TMEM131: variants seen among roughly 807,000 people sequenced by gnomAD.
The protein encoded by TMEM131 is transmembrane protein 131, also known as 2610524E03Rik.
A neutral mutation model predicts 211.6 loss-of-function variants in TMEM131; 66 were observed. That is an observed-to-expected ratio of 0.31 (90% CI 0.26 to 0.38). The LOEUF is 0.38. Ranked by LOEUF, TMEM131 falls within the 10% of genes least tolerant of loss-of-function variation. The probability of loss-of-function intolerance (pLI) is 1.00; values close to 1 mark genes in which losing one functional copy is unlikely to be tolerated. For synonymous variants in TMEM131, 844 were observed against 841.3 expected (o/e 1.00, Z -0.06); for missense variants, 2,036 against 2,299.3 (o/e 0.89, Z 2.34).
intron 4 of TMEM131, among the ~76,000 whole-genome samples, chr2:97,876,165 C>T (rs1245225912): frequency 4.6e-5 from 7 of 152,072 alleles, no homozygotes; most frequent in African/African-American, 1.4e-4. Flanking sequence ...AGGAAAAAGT[C>T]GAATCCCTGA....
intron 1 of TMEM131, 33 bp downstream of exon 1, chr2:97,995,443 C>A: frequency 7.5e-7 from 1 of 1,340,810 alleles, no homozygotes; most frequent in South Asian, 1.9e-5. Flanking sequence ...GGGTGACAGC[C>A]CCGCCGCAGG....
In TMEM131 at chr2:97,994,886, C is replaced by T. The variant is rs77713497; in HGVS notation, c.187+590G>A. Among the ~76,000 whole-genome samples the T allele has an allele frequency of 2.8e-4, 42 of 152,174 alleles. No homozygotes were observed. In the East Asian group the frequency reaches 7.9e-3, roughly 29 times the overall value. ...GCTTTCACATCAAAGATAAAGGCAC[C>T]GAATCACGTATTTTAAAATAAGAAA... On this transcript the variant is annotated intron_variant, in intron 1 of 40. Coordinates refer to ENST00000186436, the MANE Select transcript of TMEM131 (RefSeq NM_015348.2).
rs144024095 is a variant in TMEM131 at position 97,774,770 on chromosome 2, T to C, written c.4320+1073A>G. Among the ~76,000 whole-genome samples, 556 of 152,294 alleles carry C rather than the reference T, an allele frequency of 3.7e-3. 2 individuals are homozygous for C. The highest frequency in any genetic ancestry group is 6.1e-3 in the Admixed American group (93 of 15,296). On this transcript the variant is annotated intron_variant, in intron 32 of 40. Coordinates refer to ENST00000186436, the MANE Select transcript of TMEM131 (RefSeq NM_015348.2). ...CGCTGATGCACAGGGTTTAAACTGC[T>C]GGGATTTTACTCAAAGTTTAGCACA... is the stretch of plus-strand genomic sequence containing the variant.
intron 3 of TMEM131, among the ~76,000 whole-genome samples, chr2:97,894,066 C>T (rs749547500): frequency 7.2e-5 from 11 of 151,982 alleles, no homozygotes; most frequent in Non-Finnish European, 1.3e-4. Flanking sequence ...TAAGGTATAA[C>T]GAAAGGGTCC....
At position 97,995,723 on chromosome 2, in the gene TMEM131, GGC is replaced by G; in HGVS notation, c.-63_-62del. 8.8e-7 allele frequency: 1 copy of G among 1,141,290 alleles called. No homozygotes were observed. The highest frequency in any genetic ancestry group is 1.1e-6 in the Non-Finnish European group (1 of 924,462). The allele number at this position is 1,141,290 out of a possible 1,614,324, so 70.7% of individuals were successfully genotyped here. ...GCGCGGCCCTTCTCGGCGAGGCGGC[GGC>G]GGCGCGGAAGCCGTGGTCCGGGCTC... On this transcript the variant is annotated 5_prime_UTR_variant, in exon 1 of 41. Transcript: ENST00000186436.
At chr2:97,945,398 G>A (rs1293889221) in intron 1 of TMEM131, among the ~76,000 whole-genome samples, 4 of 152,072 alleles carry the variant, frequency 2.6e-5, no homozygotes, top group South Asian at 2.1e-4. Context: ...AAGTCTATGA[G>A]TATACTTCAA....
In TMEM131 at chr2:97,795,117, TA is replaced by T; in HGVS notation, c.3201-3del. The T allele has an allele frequency of 2.5e-6, 4 of 1,608,074 alleles. No homozygotes were observed. The highest frequency in any genetic ancestry group is 3.4e-6 in the Non-Finnish European group (4 of 1,176,720). ...GAAGCTGTAAAATCAGGAGTAAACCTAAAACAGAATGATGGTAGTAAGGCTA... is the reference window on the plus strand; with the variant it reads ...GAAGCTGTAAAATCAGGAGTAAACCTAAACAGAATGATGGTAGTAAGGCTA... On this transcript the variant is annotated splice_polypyrimidine_tract_variant and splice_region_variant and intron_variant, in intron 28 of 40. Transcript: ENST00000186436.
chr2:97,852,818 T>C (rs193219493), intron 5 of TMEM131, among the ~76,000 whole-genome samples: 5 of 152,304 alleles, frequency 3.3e-5, no homozygotes, highest in Admixed American at 2.6e-4. Flanking sequence ...TGACTCTCTC[T>C]TATTAGGGAC....
Position 97,792,971 on chromosome 2 carries a change from T to A in TMEM131, c.3559A>T (p.Ser1187Cys), listed in dbSNP as rs1165994380. 6.4e-7 allele frequency: 1 copy of A among 1,572,072 alleles called. No individual in the cohort carries two copies. The change falls in exon 31 of 41, where the codon AGC becomes TGC. Residue 1187 changes from serine to cysteine, a missense_variant. By Grantham distance (112) the Ser-to-Cys change is moderately radical. This residue lies in a region of TMEM131 where 1,623 missense variants were observed against 1,805.9 expected (regional missense o/e 0.90). Coordinates refer to ENST00000186436, the MANE Select transcript of TMEM131 (RefSeq NM_015348.2). ...ISSEGNLNTL[S>C]CDPGHSRGFC... Reference sequence around the variant, plus strand: ...CCCCTACTGTGACCGGGGTCACAGCTGAGTGTGTTCAAGCTGAAAAAGGGA... The same window carrying A: ...CCCCTACTGTGACCGGGGTCACAGCAGAGTGTGTTCAAGCTGAAAAAGGGA...
chr2:97,868,490 C>A (rs982601050), intron 4 of TMEM131, among the ~76,000 whole-genome samples: 3 of 152,100 alleles, frequency 2.0e-5, no homozygotes, highest in African/African-American at 7.2e-5. Flanking sequence ...AGTCTATCAT[C>A]ATGCTAGTTA....
intron 11 of TMEM131, 115 bp downstream of exon 11, chr2:97,833,250 C>G: frequency 1.8e-6 from 1 of 567,634 alleles, no homozygotes; most frequent in Non-Finnish European, 3.1e-6. Context: ...AAAGTGTCAC[C>G]AGGTCATCAC....
At position 97,890,558 on chromosome 2, in the gene TMEM131, T is replaced by C. The variant is rs560742753; in HGVS notation, c.291-2438A>G. On this transcript the variant is annotated intron_variant, in intron 3 of 40. Transcript: ENST00000186436. The stretch of plus-strand genomic sequence containing the variant: ...TAGACATTTAAATTTAGATGTCTTA[T>C]CTAGATGGAGATGTCATAAAGTAAC... Among the ~76,000 whole-genome samples, 14 of 152,346 alleles carry C rather than the reference T, an allele frequency of 9.2e-5. No homozygotes were observed. The South Asian group carries it at 2.3e-3, about 25-fold the overall frequency.
intron 31 of TMEM131, among the ~76,000 whole-genome samples, chr2:97,782,074 ACAGT>A (rs1048667209): frequency 6.6e-6 from 1 of 152,198 alleles, no homozygotes; most frequent in Non-Finnish European, 1.5e-5. Flanking sequence ...TTCATTCCAG[ACAGT>A]CAGTAATGAA....
At chr2:97,845,759 C>CAAAAAAAAAA (rs59502408) in intron 5 of TMEM131, among the ~76,000 whole-genome samples, 1 of 122,192 alleles carries the variant, frequency 8.2e-6, no homozygotes, top group Non-Finnish European at 1.7e-5. Flanking sequence ...CAGAAAGTAG[C>CAAAAAAAAAA]AAAAAAAAAA....
Position 97,766,229 on chromosome 2 carries a change from G to T in TMEM131, c.4608C>A (p.Ala1536=). 3 of 1,613,980 alleles carry T rather than the reference G, an allele frequency of 1.9e-6. No individual in the cohort carries two copies. The highest frequency in any genetic ancestry group is 2.5e-6 in the Non-Finnish European group (3 of 1,179,890). ...GACTATTCGGGAGGAATTTTGCTAGGGCAGGTGGTCTGTTATCCACTAACT... is the reference window on the plus strand; with the variant it reads ...GACTATTCGGGAGGAATTTTGCTAGTGCAGGTGGTCTGTTATCCACTAACT... ...TSKLVDNRPP[A]LAKFLPNSQE... is the part of the protein sequence containing the mutation. The change falls in exon 35 of 41, where the codon GCC becomes GCA. Residue 1536 remains alanine (A), a synonymous_variant. Coordinates refer to ENST00000186436, the MANE Select transcript of TMEM131 (RefSeq NM_015348.2).
At chr2:97,803,306 C>G (rs1053929365) in intron 22 of TMEM131, among the ~76,000 whole-genome samples, 6 of 152,112 alleles carry the variant, frequency 3.9e-5, no homozygotes, top group African/African-American at 1.2e-4. Flanking sequence ...CTTTTTTCCC[C>G]CTTGATATAA....
intron 1 of TMEM131, among the ~76,000 whole-genome samples, chr2:97,967,733 C>A (rs1679119395): frequency 6.6e-6 from 1 of 152,106 alleles, no homozygotes; most frequent in African/African-American, 2.4e-5. Context: ...TACTTTTATT[C>A]CCACTTAGTC....
chr2:97,813,582 G>A (rs529873760), intron 15 of TMEM131, among the ~76,000 whole-genome samples: 2 of 151,842 alleles, frequency 1.3e-5, no homozygotes, highest in African/African-American at 2.4e-5. Flanking sequence ...TCTTTGTCCC[G>A]ATATTTCTTG....
intron 35 of TMEM131, chr2:97,765,176 A>T (rs1020939571): frequency 3.3e-5 from 5 of 152,200 alleles, no homozygotes; most frequent in African/African-American, 1.2e-4. Context: ...CCCTGGCAAA[A>T]AGTAGTACTA....
Sources: gnomAD v4.1 joint callset for allele counts (sites outside exome capture counted in the v4.1 genomes callset) on GRCh38, gnomAD v4.1.1 for gene constraint, gnomAD v4.1.1 regional missense constraint, MANE v1.5 for transcripts, NCBI Gene and HGNC (gene_info 2026-07-23, HGNC 2026-07-21) for gene names.